The following CACNA2D1 variants were observed in gnomAD, a reference collection of about 807,000 sequenced individuals.
CACNA2D1 encodes voltage-dependent calcium channel subunit alpha-2/delta-1.
In CACNA2D1, 53 loss-of-function variants were observed where a neutral mutation model predicts 171.5. That is an observed-to-expected ratio of 0.31 (90% CI 0.25 to 0.39). CACNA2D1 has a LOEUF of 0.39. Among genes scored for constraint, CACNA2D1 ranks in the 10% least tolerant of loss-of-function variants. The probability of loss-of-function intolerance (pLI) is 1.00; values close to 1 mark genes in which losing one functional copy is unlikely to be tolerated. For missense variants in CACNA2D1, 903 were observed against 1,299.8 expected (o/e 0.69, Z 4.69); for synonymous variants, 442 against 443.1 (o/e 1.00, Z 0.03).
rs200188203 is a variant in CACNA2D1 at position 82,252,663 on chromosome 7, G to T, written c.295-82054C>A. Among the ~76,000 whole-genome samples the T allele has an allele frequency of 6.3e-4, 96 of 152,208 alleles. 3 individuals carry two copies. The South Asian group carries it at 0.019, about 30-fold the overall frequency. On this transcript the variant is annotated intron_variant, in intron 3 of 38. Transcript: ENST00000356860. ...TCCCAGCAGTTTGGGAGGCCAAGGC[G>T]GGCAGATCATGAGGTCAAGAGATCG...
At chr7:82,434,773 G>C (rs1359042014) in intron 1 of CACNA2D1, among the ~76,000 whole-genome samples, 1 of 151,988 alleles carries the variant, frequency 6.6e-6, no homozygotes, top group Admixed American at 6.6e-5. Flanking sequence ...AACTCCTCAA[G>C]CCACTGAAAC....
chr7:82,065,088 C>T (rs1157514375), intron 8 of CACNA2D1, among the ~76,000 whole-genome samples: 1 of 149,396 alleles, frequency 6.7e-6, no homozygotes, highest in Non-Finnish European at 1.5e-5. Context: ...CTGACTTCTC[C>T]GACAGGAAGG....
At chr7:82,024,803 T>A (rs1801672303) in intron 12 of CACNA2D1, among the ~76,000 whole-genome samples, 1 of 151,706 alleles carries the variant, frequency 6.6e-6, no homozygotes, top group South Asian at 2.1e-4. Flanking sequence ...TTTAATCCAT[T>A]TTGAGTTGTT....
At chr7:82,001,782 A>G in intron 18 of CACNA2D1, 1 of 534,356 alleles carries the variant, frequency 1.9e-6, no homozygotes. Flanking sequence ...TCTATCCTAT[A>G]ATCAATTTTC....
intron 3 of CACNA2D1, among the ~76,000 whole-genome samples, chr7:82,207,187 G>A (rs1404155213): frequency 6.6e-6 from 1 of 152,160 alleles, no homozygotes; most frequent in Non-Finnish European, 1.5e-5. Context: ...TGGGGAGCTG[G>A]TAGGTGTCAG....
At chr7:82,054,635 A>C (rs1003185160) in intron 10 of CACNA2D1, among the ~76,000 whole-genome samples, 4 of 152,210 alleles carry the variant, frequency 2.6e-5, no homozygotes, top group Admixed American at 2.0e-4. Context: ...TATTCTGGGG[A>C]AAATCAATCT....
intron 38 of CACNA2D1, among the ~76,000 whole-genome samples, chr7:81,956,752 C>T (rs997322767): frequency 2.0e-5 from 3 of 152,048 alleles, no homozygotes; most frequent in African/African-American, 7.2e-5. Context: ...TAATCAATGA[C>T]TACTTGGAAA....
At chr7:82,060,655 T>C (rs1405842983) in intron 9 of CACNA2D1, 128 bp from the exon 10 acceptor site, 2 of 529,856 alleles carry the variant, frequency 3.8e-6, no homozygotes, top group Admixed American at 7.2e-5. Flanking sequence ...ATTTTGCCCT[T>C]GAAAATCAGT....
chr7:82,441,134 A>C (rs1383937096), intron 1 of CACNA2D1, among the ~76,000 whole-genome samples: 1 of 152,064 alleles, frequency 6.6e-6, no homozygotes, highest in Non-Finnish European at 1.5e-5. Flanking sequence ...GTGCATATGA[A>C]TTCTTTTCTC....
At chr7:82,266,257 G>A (rs1163183976) in intron 3 of CACNA2D1, among the ~76,000 whole-genome samples, 2 of 152,134 alleles carry the variant, frequency 1.3e-5, no homozygotes, top group Non-Finnish European at 2.9e-5. Context: ...GACAAGTGCA[G>A]GGTGCTATTT....
At chr7:82,074,379 C>G (rs1202328908) in intron 7 of CACNA2D1, among the ~76,000 whole-genome samples, 2 of 152,074 alleles carry the variant, frequency 1.3e-5, no homozygotes, top group African/African-American at 4.8e-5. Flanking sequence ...AGGTGCCCGC[C>G]ATTACGCCTG....
chr7:82,368,062 T>A (rs1821955365), intron 1 of CACNA2D1, among the ~76,000 whole-genome samples: 1 of 151,772 alleles, frequency 6.6e-6, no homozygotes, highest in Non-Finnish European at 1.5e-5. Flanking sequence ...TAATCAAGAG[T>A]AATGATCTCT....
intron 1 of CACNA2D1, among the ~76,000 whole-genome samples, chr7:82,388,180 C>CAGGA (rs1824647582): frequency 6.6e-6 from 1 of 151,744 alleles, no homozygotes; most frequent in African/African-American, 2.4e-5. Flanking sequence ...TATATAAAAA[C>CAGGA]AGGAAAGAAG....
chr7:81,991,073 T>G lies in CACNA2D1; in HGVS notation c.1796+112A>C, dbSNP rs561076254. 10 of 664,998 alleles carry G rather than the reference T, an allele frequency of 1.5e-5. No individual in the cohort carries two copies. The South Asian group carries it at 1.8e-4, about 12-fold the overall frequency. The allele number at this position is 664,998 out of a possible 1,614,324, so 41.2% of individuals were successfully genotyped here. On this transcript the variant is annotated intron_variant, in intron 21 of 38. Coordinates refer to ENST00000356860, the MANE Select transcript of CACNA2D1 (RefSeq NM_000722.4). ...AAATTAGTCTATAAGTTTAGTATGT[T>G]TTCATGTTGGGAACTTTTCTAGTGA...
rs1792321766 is a variant in CACNA2D1, at chr7:81,949,765, A to G, written c.*627T>C. The G allele has an allele frequency of 6.6e-6, 1 of 152,238 alleles. No individual in the cohort carries two copies. The highest frequency in any genetic ancestry group is 1.5e-5 in the Non-Finnish European group (1 of 68,094). 9.4% of individuals were successfully genotyped at this position (152,238 alleles called of 1,614,324 possible). ...CAAACCATCAATTCATTACCCCATC[A>G]AAATTGAATTGGTCATCAATTGTGT... On this transcript the variant is annotated 3_prime_UTR_variant, in exon 39 of 39. Coordinates refer to ENST00000356860, the MANE Select transcript of CACNA2D1 (RefSeq NM_000722.4).
intron 3 of CACNA2D1, among the ~76,000 whole-genome samples, chr7:82,207,225 C>T (rs990803411): frequency 1.3e-5 from 2 of 152,184 alleles, no homozygotes; most frequent in Admixed American, 6.5e-5. Flanking sequence ...CCTGGCTGAG[C>T]ACATGATCGC....
chr7:82,211,173 A>AG (rs987840162), intron 3 of CACNA2D1, among the ~76,000 whole-genome samples: 3 of 142,832 alleles, frequency 2.1e-5, no homozygotes, highest in Admixed American at 2.0e-4. Flanking sequence ...CCCTTGGGAC[A>AG]GGGGGATTCT....
intron 1 of CACNA2D1, among the ~76,000 whole-genome samples, chr7:82,390,742 C>G (rs1434579956): frequency 1.3e-5 from 2 of 152,016 alleles, no homozygotes; most frequent in African/African-American, 4.8e-5. Context: ...CAGCACCACC[C>G]TCACACACAT....
chr7:82,358,003 TA>T (rs572028085), intron 1 of CACNA2D1, among the ~76,000 whole-genome samples: 242 of 152,282 alleles, frequency 1.6e-3, no homozygotes, highest in Non-Finnish European at 2.8e-3. Flanking sequence ...CGTTTATTTT[TA>T]ACCGAAGCAA....
Sources: gnomAD v4.1 joint callset for allele counts (sites outside exome capture counted in the v4.1 genomes callset) on GRCh38, gnomAD v4.1.1 for gene constraint, MANE v1.5 for transcripts, NCBI Gene and HGNC (gene_info 2026-07-23, HGNC 2026-07-21) for gene names.